Variants in ACTN4 observed in about 807,000 individuals in gnomAD.
ACTN4 encodes the protein actinin alpha 4.
Under a neutral mutation model 114.2 loss-of-function variants are expected in ACTN4, and 18 were observed. The ratio of observed to expected loss-of-function variants is 0.16; its 90% CI spans 0.11 to 0.23. ACTN4 has a LOEUF of 0.23. Among genes scored for constraint, ACTN4 ranks in the 10% least tolerant of loss-of-function variants. The pLI is 1.00. For synonymous variants in ACTN4, 515 were observed against 506.3 expected, an observed-to-expected ratio of 1.02 and a Z score of -0.23; for missense variants, 722 against 1,262.9, an observed-to-expected ratio of 0.57 and a Z score of 6.49.
At position 38,727,153 on chromosome 19, in the gene ACTN4, C is replaced by T. The variant is rs980990173; in HGVS notation, c.2337+50C>T. On this transcript the variant is annotated intron_variant, in intron 18 of 20. Transcript: ENST00000252699. This position sits in a 1 kb window ranked among gnomAD's most constrained non-coding sequence, Gnocchi z 5.4. Reference sequence around the variant, plus strand: ...CCTCTCCCCTCCCGCCGTTGCCGTACCAGCCCACACCTTCGTCTCTGCATC... The same window carrying T: ...CCTCTCCCCTCCCGCCGTTGCCGTATCAGCCCACACCTTCGTCTCTGCATC... The T allele has an allele frequency of 6.2e-7, 1 of 1,612,784 alleles. No homozygotes were observed. Among genetic ancestry groups the T allele is most frequent in the Non-Finnish European group, 8.5e-7 (1 of 1,179,430 alleles).
intron 8 of ACTN4, chr19:38,711,299 G>T: frequency 9.6e-7 from 1 of 1,038,302 alleles, no homozygotes; most frequent in Non-Finnish European, 1.2e-6. Flanking sequence ...TCTGAGGCCA[G>T]ATGAGAAGGC....
intron 1 of ACTN4, among the ~76,000 whole-genome samples, chr19:38,691,424 CAAAA>C (rs72251064): frequency 1.2e-3 from 147 of 122,510 alleles, no homozygotes; most frequent in African/African-American, 4.1e-3. Flanking sequence ...ACAAAAAAAA[CAAAA>C]AAAAAAACCC....
chr19:38,706,051 G>C lies in ACTN4; in HGVS notation c.492G>C (p.Ser164=). ...TCTTTGTGTGTTTTGCAGAGACCTC[G>C]GCCAAGGAAGGGCTCCTTCTCTGGT... is the stretch of plus-strand genomic sequence containing the variant. The part of the protein sequence containing the change: ...AIQDISVEET[S]AKEGLLLWCQ... The change falls in exon 5 of 21, where the codon TCG becomes TCC. Residue 164 remains serine, a synonymous_variant. Transcript: ENST00000252699. 1.2e-6 allele frequency: 2 copies of C among 1,614,024 alleles called. No individual in the cohort carries two copies. The highest frequency in any genetic ancestry group is 1.7e-6 in the Non-Finnish European group (2 of 1,179,956).
rs1039151803 is a variant in ACTN4, at chr19:38,678,473, G to A, written c.163-22127G>A. 4.7e-4 allele frequency among the ~76,000 whole-genome samples: 72 copies of A among 152,152 alleles called. 1 individual carries two copies. The highest frequency in any genetic ancestry group is 4.0e-3 in the Admixed American group (61 of 15,274). The stretch of plus-strand genomic sequence containing the variant: ...GTCTCCATTTATTGGGCTGAGCCTC[G>A]AGACCTGCAATACCAGGGAAGGAAG... On this transcript the variant is annotated intron_variant, in intron 1 of 20. Coordinates refer to ENST00000252699, the MANE Select transcript of ACTN4 (RefSeq NM_004924.6).
At chr19:38,662,091 T>TAC (rs1357147591) in intron 1 of ACTN4, among the ~76,000 whole-genome samples, 1 of 152,212 alleles carries the variant, frequency 6.6e-6, no homozygotes, top group Non-Finnish European at 1.5e-5. Context: ...GAGACAGGCA[T>TAC]ACAGGCTGAT....
chr19:38,706,372 T>C (rs953246618), intron 5 of ACTN4, among the ~76,000 whole-genome samples: 2 of 152,202 alleles, frequency 1.3e-5, no homozygotes, highest in African/African-American at 4.8e-5. Context: ...GCCGGCCTAA[T>C]AGAACGTTCT....
rs1969401371 is a variant in ACTN4, at chr19:38,729,515, A to G, written c.*83A>G. 2.0e-6 allele frequency: 2 copies of G among 1,006,048 alleles called. No individual in the cohort carries two copies. Among genetic ancestry groups the G allele is most frequent in the African/African-American group, 2.0e-5 (1 of 49,478 alleles). The allele number at this position is 1,006,048 out of a possible 1,614,324, so 62.3% of individuals were successfully genotyped here. A position where few individuals can be genotyped will look rare whatever the true frequency, so the allele number is the denominator to read the frequency against. ...CCACAGTCCCATTCCTCCACTCTGTATCTATGCAAAGCACTCTCTGCAGTC... is the reference window on the plus strand; with the variant it reads ...CCACAGTCCCATTCCTCCACTCTGTGTCTATGCAAAGCACTCTCTGCAGTC... On this transcript the variant is annotated 3_prime_UTR_variant, in exon 21 of 21. Coordinates refer to ENST00000252699, the MANE Select transcript of ACTN4 (RefSeq NM_004924.6).
chr19:38,710,871 C>T (rs1225120705), intron 8 of ACTN4: 4 of 232,200 alleles, frequency 1.7e-5, no homozygotes, highest in Admixed American at 5.1e-5. Context: ...GTGAGTGACA[C>T]GCAGTGATGG....
chr19:38,667,425 G>A (rs1966995702), intron 1 of ACTN4, among the ~76,000 whole-genome samples: 1 of 151,998 alleles, frequency 6.6e-6, no homozygotes. Context: ...GGGGTGGGGG[G>A]TGTCTCAGAA....
At chr19:38,672,798 C>G (rs1188716831) in intron 1 of ACTN4, among the ~76,000 whole-genome samples, 4 of 152,060 alleles carry the variant, frequency 2.6e-5, no homozygotes, top group Non-Finnish European at 2.9e-5. Context: ...GTCTCAAACT[C>G]CTGAACTCAA....
intron 1 of ACTN4, among the ~76,000 whole-genome samples, chr19:38,669,463 G>T (rs1435864163): frequency 6.6e-6 from 1 of 152,226 alleles, no homozygotes; most frequent in African/African-American, 2.4e-5. Context: ...AGGTGACCCA[G>T]TCTGGTTTGG....
At chr19:38,655,542 T>A (rs886351644) in intron 1 of ACTN4, among the ~76,000 whole-genome samples, 1 of 152,158 alleles carries the variant, frequency 6.6e-6, no homozygotes, top group Non-Finnish European at 1.5e-5. Flanking sequence ...CTGGTCGAGG[T>A]GGGCAGGGCA....
intron 1 of ACTN4, among the ~76,000 whole-genome samples, chr19:38,678,685 TGGCTTG>T (rs958985432): frequency 2.3e-4 from 35 of 152,214 alleles, no homozygotes; most frequent in Non-Finnish European, 5.9e-5. Context: ...CTCTGCTGTC[TGGCTTG>T]GGCTTGGGCT....
intron 1 of ACTN4, among the ~76,000 whole-genome samples, chr19:38,694,507 G>C (rs1394676361): frequency 6.6e-6 from 1 of 151,980 alleles, no homozygotes; most frequent in Non-Finnish European, 1.5e-5. Flanking sequence ...TGATCCGCCC[G>C]CCTCGGCCTC....
At chr19:38,690,958 C>T (rs1967904412) in intron 1 of ACTN4, among the ~76,000 whole-genome samples, 1 of 152,224 alleles carries the variant, frequency 6.6e-6, no homozygotes, top group South Asian at 2.1e-4. Context: ...TCCACTCACT[C>T]CTAGATTTGT....
chr19:38,662,534 T>C (rs1212645269), intron 1 of ACTN4, among the ~76,000 whole-genome samples: 2 of 152,226 alleles, frequency 1.3e-5, no homozygotes, highest in Non-Finnish European at 2.9e-5. Flanking sequence ...ACTTGTTAAA[T>C]CTTTTAAGTA....
chr19:38,721,659 G>A lies in ACTN4; in HGVS notation c.1413G>A (p.Glu471=). ...SDLAAHQDRV[E]QIAAIAQELN... is the part of the protein sequence containing the mutation. ...TGGCTGCGCACCAGGACCGCGTGGA[G>A]CAGATCGCCGCCATTGCCCAGGAGC... The change falls in exon 12 of 21, where the codon GAG becomes GAA. Residue 471 remains glutamate (E), a synonymous_variant. Coordinates refer to ENST00000252699, the MANE Select transcript of ACTN4 (RefSeq NM_004924.6). The A allele has an allele frequency of 6.2e-7, 1 of 1,613,778 alleles. No homozygotes were observed.
In ACTN4 at chr19:38,731,327, C is replaced by T. The variant is rs764454783; in HGVS notation, c.*1895C>T. The T allele has an allele frequency of 1.2e-5, 10 of 836,206 alleles. No homozygotes were observed. Among genetic ancestry groups the T allele is most frequent in the Non-Finnish European group, 1.8e-5 (9 of 496,754 alleles). 51.8% of individuals were successfully genotyped at this position (836,206 alleles called of 1,614,324 possible). ...GGAGGACATGAATGCCACAGGGTGT[C>T]ACACCCCAACTCTGCCCCATCCCGG... On this transcript the variant is annotated 3_prime_UTR_variant, in exon 21 of 21. Transcript: ENST00000252699.
rs994032751 is a variant in ACTN4, at chr19:38,730,638, G to C, written c.*1206G>C. 3.2e-6 allele frequency: 2 copies of C among 624,448 alleles called. No homozygotes were observed. Among genetic ancestry groups the C allele is most frequent in the East Asian group, 2.7e-5 (1 of 36,458 alleles). The allele number at this position is 624,448 out of a possible 1,614,324, so 38.7% of individuals were successfully genotyped here. The stretch of plus-strand genomic sequence containing the variant: ...TTAAGCTGTCAACGTGGACTAGCTC[G>C]TGTCATCTGCTCGAGAAGGGCTGTC... On this transcript the variant is annotated 3_prime_UTR_variant, in exon 21 of 21. Coordinates refer to ENST00000252699, the MANE Select transcript of ACTN4 (RefSeq NM_004924.6).
Sources: allele counts gnomAD v4.1 joint callset (sites outside exome capture counted in the v4.1 genomes callset), GRCh38; gene constraint gnomAD v4.1.1; non-coding constraint Gnocchi (gnomAD v3.1); transcripts MANE v1.5; gene names NCBI Gene and HGNC (gene_info 2026-07-23, HGNC 2026-07-21).